OLFM1: variants seen among roughly 807,000 people sequenced by gnomAD.
The protein encoded by OLFM1 is olfactomedin 1.
A neutral mutation model predicts 49.7 loss-of-function variants in OLFM1; 9 were observed. The observed-to-expected ratio is 0.18, with a 90% CI of 0.11 to 0.32. The LOEUF is 0.32. Ranked by LOEUF, OLFM1 falls within the 10% of genes least tolerant of loss-of-function variation. OLFM1 has a pLI of 1.00. For synonymous variants in OLFM1, 240 were observed against 271.8 expected, an observed-to-expected ratio of 0.88 and a Z score of 1.15; for missense variants, 369 against 661.8, an observed-to-expected ratio of 0.56 and a Z score of 4.85.
intron 1 of OLFM1, among the ~76,000 whole-genome samples, chr9:135,077,834 T>C (rs934081575): frequency 6.6e-6 from 1 of 152,168 alleles, no homozygotes; most frequent in African/African-American, 2.4e-5. Context: ...GTTATCCTAA[T>C]GTGTTGGGAT....
intron 1 of OLFM1, chr9:135,077,310 T>C: frequency 7.1e-7 from 1 of 1,412,630 alleles, no homozygotes; most frequent in Non-Finnish European, 9.2e-7. Flanking sequence ...GTCCTGGACA[T>C]GGCCGCACCC....
chr9:135,087,434 CG>C, upstream of OLFM1: 2 of 1,543,994 alleles, frequency 1.3e-6, no homozygotes, highest in Non-Finnish European at 1.7e-6. Context: ...GTCCCCGCGC[CG>C]CCGCCGGGTA....
At chr9:135,107,211 C>A (rs1830958120) in intron 5 of OLFM1, among the ~76,000 whole-genome samples, 1 of 152,208 alleles carries the variant, frequency 6.6e-6, no homozygotes, top group Non-Finnish European at 1.5e-5. Flanking sequence ...GAAACCCAGC[C>A]CTGACTTTTC....
intron 4 of OLFM1, among the ~76,000 whole-genome samples, chr9:135,102,327 C>G (rs767671217): frequency 2.6e-5 from 4 of 152,192 alleles, no homozygotes; most frequent in African/African-American, 9.7e-5. Flanking sequence ...CTGAGTGGAG[C>G]TAGACAGTGA....
intron 2 of OLFM1, among the ~76,000 whole-genome samples, chr9:135,091,558 TAG>T (rs1830690086): frequency 1.1e-5 from 1 of 94,934 alleles, no homozygotes; most frequent in Non-Finnish European, 2.0e-5. Context: ...CACACACTCA[TAG>T]TCACACACAC....
At chr9:135,109,543 G>A (rs1007223145) in intron 5 of OLFM1, among the ~76,000 whole-genome samples, 2 of 152,080 alleles carry the variant, frequency 1.3e-5, no homozygotes, top group African/African-American at 4.8e-5. Context: ...GAGCACCCTC[G>A]GCTACGGCCA....
intron 2 of OLFM1, among the ~76,000 whole-genome samples, chr9:135,091,825 ACT>A (rs1491222761): frequency 1.4e-5 from 2 of 140,192 alleles, no homozygotes; most frequent in African/African-American, 2.9e-5. Flanking sequence ...AGTCACACAC[ACT>A]CACAGTCACA....
rs3811138 is a variant in OLFM1, at chr9:135,076,980, T to C, written c.96+1178T>C. 14,689 of 1,550,554 alleles carry C rather than the reference T, an allele frequency of 9.5e-3. 785 individuals carry two copies. The African/African-American group carries it at 0.13, about 14-fold the overall frequency. On this transcript the variant is annotated intron_variant, in intron 1 of 5. Coordinates refer to the OLFM1 transcript ENST00000252854. ...AAATCCCAATCCAGCAGTGGGGTTA[T>C]GTCGTCCCGCTTACCCTCAGAGCCC... is the stretch of plus-strand genomic sequence containing the variant.
chr9:135,087,414 C>T, upstream of OLFM1: 2 of 1,546,092 alleles, frequency 1.3e-6, no homozygotes, highest in Non-Finnish European at 1.7e-6. Flanking sequence ...GGGCCGTGCC[C>T]CCAGCTGGAG....
chr9:135,098,524 G>C lies in OLFM1; in HGVS notation c.676+19G>C. On this transcript the variant is annotated intron_variant, in intron 4 of 5. Transcript: ENST00000371793. This position sits in a 1 kb window ranked among gnomAD's most constrained non-coding sequence, Gnocchi z 5.6. ...AAACTAGGTAGGCCCAGTACCCTGC[G>C]GGACGTGGCGCTGCACTGCCCACCT... 1 of 1,601,856 alleles carries C rather than the reference G, an allele frequency of 6.2e-7. No homozygotes were observed. The highest frequency in any genetic ancestry group is 1.1e-5 in the South Asian group (1 of 90,830).
Position 135,088,120 on chromosome 9 carries a change from C to G in OLFM1, c.131C>G (p.Thr44Arg). ...TTKLSAAGGG[T>R]LDRSTGVLPT... ...AAGCTCTCGGCGGCCGGCGGCGGGA[C>G]GCTGGACCGCAGCACCGGCGTAAGT... Residue 44 changes from threonine (T) to arginine (R), a missense_variant, in exon 1 of 6, where the codon ACG (threonine) becomes AGG (arginine). This residue lies in a region of OLFM1 where 55 missense variants were observed against 53.3 expected (regional missense o/e 1.03). Transcript: ENST00000371793. This position sits in a 1 kb window ranked among gnomAD's most constrained non-coding sequence, Gnocchi z 4.8. 1 of 1,397,334 alleles carries G rather than the reference C, an allele frequency of 7.2e-7. No homozygotes were observed. The highest frequency in any genetic ancestry group is 9.5e-7 in the Non-Finnish European group (1 of 1,058,126). The allele number at this position is 1,397,334 out of a possible 1,614,324, so 86.6% of individuals were successfully genotyped here. A position where few individuals can be genotyped will look rare whatever the true frequency, so the allele number is the denominator to read the frequency against.
At chr9:135,079,191 T>G (rs759500087) in intron 1 of OLFM1, among the ~76,000 whole-genome samples, 9 of 152,182 alleles carry the variant, frequency 5.9e-5, no homozygotes, top group Non-Finnish European at 1.2e-4. Flanking sequence ...GCAAAAGAAG[T>G]GTCTGCACCG....
intron 3 of OLFM1, among the ~76,000 whole-genome samples, chr9:135,097,115 TC>T (rs529341964): frequency 7.6e-4 from 116 of 152,338 alleles, no homozygotes; most frequent in African/African-American, 2.7e-3. Context: ...GTCTCTGTCT[TC>T]CCGTCCTTTT....
Position 135,087,888 on chromosome 9 carries a change from G to A in OLFM1, c.-102G>A. On this transcript the variant is annotated 5_prime_UTR_variant, in exon 1 of 6. Transcript: ENST00000371793. The stretch of plus-strand genomic sequence containing the variant: ...CGGGCCGAGGGGGCGCGGGGACACA[G>A]CCAGGCGCCCCTGCCCGCCGCGGTG... The A allele has an allele frequency of 1.9e-6, 2 of 1,037,436 alleles. No homozygotes were observed. The highest frequency in any genetic ancestry group is 2.3e-6 in the Non-Finnish European group (2 of 858,036). The allele number at this position is 1,037,436 out of a possible 1,614,324, so 64.3% of individuals were successfully genotyped here. A position where few individuals can be genotyped will look rare whatever the true frequency, so the allele number is the denominator to read the frequency against.
rs996352998 is a variant in OLFM1 at position 135,080,853 on chromosome 9, G to T, written c.96+5051G>T. On this transcript the variant is annotated intron_variant, in intron 1 of 5. Coordinates refer to the OLFM1 transcript ENST00000252854. This position sits in a 1 kb window ranked among gnomAD's most constrained non-coding sequence, Gnocchi z 4.5. Reference sequence around the variant, plus strand: ...ACCCTGCACGCTCGGAAACCTCAGCGCTGTCCCGACTGGCACCGCAGGGCG... The same window carrying T: ...ACCCTGCACGCTCGGAAACCTCAGCTCTGTCCCGACTGGCACCGCAGGGCG... 1.3e-5 allele frequency among the ~76,000 whole-genome samples: 2 copies of T among 152,090 alleles called. No homozygotes were observed. Among genetic ancestry groups the T allele is most frequent in the African/African-American group, 4.8e-5 (2 of 41,414 alleles).
chr9:135,107,129 CG>C (rs1830956117), intron 5 of OLFM1, among the ~76,000 whole-genome samples: 1 of 145,228 alleles, frequency 6.9e-6, no homozygotes, highest in East Asian at 2.1e-4. Flanking sequence ...CTCCCCGGCC[CG>C]GTGGGCTGGG....
At chr9:135,079,469 G>A (rs532710929) in intron 1 of OLFM1, among the ~76,000 whole-genome samples, 1 of 152,182 alleles carries the variant, frequency 6.6e-6, no homozygotes, top group Non-Finnish European at 1.5e-5. Context: ...GCAGGGCGTG[G>A]TGGCAGACGC....
chr9:135,105,421 C>A (rs992786113), intron 4 of OLFM1, among the ~76,000 whole-genome samples: 1 of 152,234 alleles, frequency 6.6e-6, no homozygotes, highest in African/African-American at 2.4e-5. Flanking sequence ...GAATCGGAGA[C>A]GCCTCCATGC....
rs569027204 is a variant in OLFM1, at chr9:135,087,902, C to T, written c.-88C>T. On this transcript the variant is annotated 5_prime_UTR_variant, in exon 1 of 6. Coordinates refer to ENST00000371793, the MANE Select transcript of OLFM1 (RefSeq NM_001282611.2). ...GCGGGGACACAGCCAGGCGCCCCTG[C>T]CCGCCGCGGTGCCCGCCGCCTGAAG... 6.0e-3 allele frequency: 7,067 copies of T among 1,168,960 alleles called. 41 individuals are homozygous for T. The highest frequency in any genetic ancestry group is 0.014 in the South Asian group (486 of 34,476). 72.4% of individuals were successfully genotyped at this position (1,168,960 alleles called of 1,614,324 possible).
Sources: allele counts gnomAD v4.1 joint callset (sites outside exome capture counted in the v4.1 genomes callset), GRCh38; gene constraint gnomAD v4.1.1; regional missense constraint gnomAD v4.1.1; non-coding constraint Gnocchi (gnomAD v3.1); transcripts MANE v1.5; gene names NCBI Gene and HGNC (gene_info 2026-07-23, HGNC 2026-07-21).